The following GMIP variants were observed in gnomAD, a reference collection of about 807,000 sequenced individuals.
GMIP encodes the protein GEM-interacting protein.
A neutral mutation model predicts 105.3 loss-of-function variants in GMIP; 54 were observed. That is an observed-to-expected ratio of 0.51 (90% CI 0.41 to 0.64). GMIP has a LOEUF of 0.64. GMIP is among the 30% of genes least tolerant of loss of function. GMIP has a pLI of 0.00. For missense variants in GMIP, 1,110 were observed against 1,319.4 expected (o/e 0.84, Z 2.46); for synonymous variants, 541 against 560.8 (o/e 0.96, Z 0.50).
In GMIP at chr19:19,640,131, G is replaced by T; in HGVS notation, c.491C>A (p.Thr164Asn). The T allele has an allele frequency of 6.2e-7, 1 of 1,613,822 alleles. No homozygotes were observed. The highest frequency in any genetic ancestry group is 1.1e-5 in the South Asian group (1 of 91,068). Reference sequence around the variant, plus strand: ...CTGGGCCACTGTCTCCATGGCCAGGGTTCCCAGGCTGAGATCGTGCTCCAG... The same window carrying T: ...CTGGGCCACTGTCTCCATGGCCAGGTTTCCCAGGCTGAGATCGTGCTCCAG... ...LFLEHDLSLG[T>N]LAMETVAQQK... The change falls in exon 7 of 21, where the codon ACC (threonine) becomes AAC (asparagine). Residue 164 changes from threonine to asparagine, a missense_variant. Thr to Asn is a moderately conservative substitution (Grantham distance 65, BLOSUM62 0). Around this residue, in one of 3 missense-constraint regions of GMIP, gnomAD observed 667 missense variants for 773.2 expected, o/e 0.86. Transcript: ENST00000203556.
intron 19 of GMIP, among the ~76,000 whole-genome samples, chr19:19,632,896 A>G (rs2061810669): frequency 6.6e-6 from 1 of 151,996 alleles, no homozygotes; most frequent in Non-Finnish European, 1.5e-5. Context: ...CTTTGCCTGG[A>G]ACACCCTTCA....
At position 19,632,980 on chromosome 19, in the gene GMIP, C is replaced by T. The variant is rs1376060378; in HGVS notation, c.2472+823G>A. On this transcript the variant is annotated intron_variant, in intron 19 of 20. Coordinates refer to ENST00000203556, the MANE Select transcript of GMIP (RefSeq NM_016573.4). ...GCTCAAGTCCGTCTGCTCTCTAAGA[C>T]GTGCCCCCACCATCCTACTTAGTGA... is the stretch of plus-strand genomic sequence containing the variant. Among the ~76,000 whole-genome samples, 7 of 152,188 alleles carry T rather than the reference C, an allele frequency of 4.6e-5. No individual in the cohort carries two copies. In the South Asian group the frequency reaches 8.3e-4, roughly 18 times the overall value.
At chr19:19,631,763 G>A (rs1313162538) in intron 19 of GMIP, among the ~76,000 whole-genome samples, 2 of 152,020 alleles carry the variant, frequency 1.3e-5, no homozygotes, top group Admixed American at 1.3e-4. Context: ...CGAGGCGGGT[G>A]GATCACAAGG....
chr19:19,638,081 CG>C, intron 9 of GMIP, 24 bp from the exon 10 acceptor site: 1 of 1,544,536 alleles, frequency 6.5e-7, no homozygotes. Flanking sequence ...AGGCCAGGAG[CG>C]GGGTGGGGCG....
chr19:19,637,833 T>C lies in GMIP; in HGVS notation c.927+87A>G, dbSNP rs1190015884. The C allele has an allele frequency of 3.6e-6, 5 of 1,405,258 alleles. No individual in the cohort carries two copies. In the African/African-American group the frequency reaches 5.8e-5, roughly 16 times the overall value. The allele number at this position is 1,405,258 out of a possible 1,614,324, so 87.0% of individuals were successfully genotyped here. A position where few individuals can be genotyped will look rare whatever the true frequency, so the allele number is the denominator to read the frequency against. On this transcript the variant is annotated intron_variant, in intron 10 of 20. Coordinates refer to ENST00000203556, the MANE Select transcript of GMIP (RefSeq NM_016573.4). This position sits in a 1 kb window ranked among gnomAD's most constrained non-coding sequence, Gnocchi z 6.7. ...AGGGAAATGGCCTAGTCCTGGTGTC[T>C]CCAGGGTGGCTTAGGGGCGAGGAGT...
At position 19,633,854 on chromosome 19, in the gene GMIP, G is replaced by T. The variant is rs753635643; in HGVS notation, c.2421C>A (p.Asp807Glu). ...GCTCCAGGGTACTGTGGTGCTGGGG[G>T]TCTGGGCCGGGGTCTGAGGCTAGGA... is the stretch of plus-strand genomic sequence containing the variant. ...PPVLASDPGP[D>E]PQHHSTLEQH... Residue 807 changes from aspartate (D) to glutamate (E), a missense_variant, in exon 19 of 21, where the codon GAC becomes GAA. Around this residue, in one of 3 missense-constraint regions of GMIP, gnomAD observed 394 missense variants for 450.5 expected, o/e 0.87. Transcript: ENST00000203556. 2 of 1,500,690 alleles carry T rather than the reference G, an allele frequency of 1.3e-6. 1 individual carries two copies. The highest frequency in any genetic ancestry group is 2.7e-5 in the South Asian group (2 of 73,290). 93.0% of individuals were successfully genotyped at this position (1,500,690 alleles called of 1,614,324 possible). A position where few individuals can be genotyped will look rare whatever the true frequency, so the allele number is the denominator to read the frequency against.
rs766003773 is a variant in GMIP, at chr19:19,640,280, G to A, written c.429+16C>T. The A allele has an allele frequency of 2.5e-6, 4 of 1,610,764 alleles. No individual in the cohort carries two copies. The highest frequency in any genetic ancestry group is 2.2e-5 in the South Asian group (2 of 91,028). ...TAGGGGGCTTGGGCTCTCCGGGGGG[G>A]TCTGGTCATGACTACCTGCTGTTGA... On this transcript the variant is annotated intron_variant, in intron 6 of 20. Coordinates refer to ENST00000203556, the MANE Select transcript of GMIP (RefSeq NM_016573.4).
Position 19,635,241 on chromosome 19 carries a change from G to A in GMIP, c.1561-28C>T, listed in dbSNP as rs761110843. On this transcript the variant is annotated intron_variant, in intron 15 of 20. Coordinates refer to ENST00000203556, the MANE Select transcript of GMIP (RefSeq NM_016573.4). This position sits in a 1 kb window ranked among gnomAD's most constrained non-coding sequence, Gnocchi z 4.7. Reference sequence around the variant, plus strand: ...GTGGGGAAGGTCACAGGGACAGGGAGGTCATTAGGGACCAGTAGGGGAAGA... The same window carrying A: ...GTGGGGAAGGTCACAGGGACAGGGAAGTCATTAGGGACCAGTAGGGGAAGA... The A allele has an allele frequency of 6.3e-7, 1 of 1,592,454 alleles. No individual in the cohort carries two copies. Among genetic ancestry groups the A allele is most frequent in the Admixed American group, 1.7e-5 (1 of 57,642 alleles).
chr19:19,632,088 T>C (rs2061802321), intron 19 of GMIP, among the ~76,000 whole-genome samples: 1 of 143,446 alleles, frequency 7.0e-6, no homozygotes, highest in Non-Finnish European at 1.5e-5. Flanking sequence ...GTCAGGAGTT[T>C]GAGACCAGCC....
chr19:19,635,916 G>A lies in GMIP; in HGVS notation c.1328-195C>T, dbSNP rs2144851558. Among the ~76,000 whole-genome samples the A allele has an allele frequency of 6.6e-6, 1 of 152,200 alleles. No homozygotes were observed. Among genetic ancestry groups the A allele is most frequent in the South Asian group, 2.1e-4 (1 of 4,828 alleles). On this transcript the variant is annotated intron_variant, in intron 13 of 20. Transcript: ENST00000203556. The surrounding 1 kb of genome is among the most constrained non-coding windows in gnomAD (Gnocchi z 4.7). ...TCATAAGCTGGATCAAGAGGTTGAG[G>A]AAATAGGCCGGGCGCAGTGGCTCAC... is the stretch of plus-strand genomic sequence containing the variant.
chr19:19,641,799 G>C lies in GMIP; in HGVS notation c.238+11C>G. Reference sequence around the variant, plus strand: ...TCTGTCCCCACTGTCCTGGCCTCCAGACCCCCCTACCTGTGAGGGGTACAG... The same window carrying C: ...TCTGTCCCCACTGTCCTGGCCTCCACACCCCCCTACCTGTGAGGGGTACAG... On this transcript the variant is annotated intron_variant, in intron 4 of 20. Transcript: ENST00000203556. The C allele has an allele frequency of 6.2e-7, 1 of 1,601,096 alleles. No individual in the cohort carries two copies. The highest frequency in any genetic ancestry group is 8.5e-7 in the Non-Finnish European group (1 of 1,170,886).
rs777952443 is a variant in GMIP at position 19,634,200 on chromosome 19, G to A, written c.2085-10C>T. 2 of 1,581,024 alleles carry A rather than the reference G, an allele frequency of 1.3e-6. No homozygotes were observed. Among genetic ancestry groups the A allele is most frequent in the Non-Finnish European group, 8.6e-7 (1 of 1,162,126 alleles). ...AAATCGTGCAGCCACCCTGGGGATGGTGTGAAGAGAAAGGTCAGGGTACAG... is the reference window on the plus strand; with the variant it reads ...AAATCGTGCAGCCACCCTGGGGATGATGTGAAGAGAAAGGTCAGGGTACAG... On this transcript the variant is annotated splice_polypyrimidine_tract_variant and intron_variant, in intron 18 of 20. Transcript: ENST00000203556. This position sits in a 1 kb window ranked among gnomAD's most constrained non-coding sequence, Gnocchi z 6.1.
In GMIP at chr19:19,630,564, C is replaced by A. The variant is rs767546121; in HGVS notation, c.2473-27G>T. On this transcript the variant is annotated intron_variant, in intron 19 of 20. Transcript: ENST00000203556. This position sits in a 1 kb window ranked among gnomAD's most constrained non-coding sequence, Gnocchi z 4.8. The stretch of plus-strand genomic sequence containing the variant: ...TGCAGGGAGAAACCCAAGAATGAGA[C>A]CCCAACACTAAAATCCCAGTTCTTT... 32 of 1,580,904 alleles carry A rather than the reference C, an allele frequency of 2.0e-5. No homozygotes were observed. The South Asian group carries it at 3.5e-4, about 17-fold the overall frequency.
In GMIP at chr19:19,633,803, C is replaced by T. The variant is rs1158266146; in HGVS notation, c.2472G>A (p.Glu824=). 1.4e-6 allele frequency: 2 copies of T among 1,457,168 alleles called. No individual in the cohort carries two copies. Among genetic ancestry groups the T allele is most frequent in the Admixed American group, 2.5e-5 (1 of 39,814 alleles). The allele number at this position is 1,457,168 out of a possible 1,614,324, so 90.3% of individuals were successfully genotyped here. ...AGCTGTGGGCCCAGTGGGTTCTTACCTCGGTAGGTGTGGCCGTGGGATGCT... is the reference window on the plus strand; with the variant it reads ...AGCTGTGGGCCCAGTGGGTTCTTACTTCGGTAGGTGTGGCCGTGGGATGCT... ...LEQHPTATPT[E]IPTPQSDQRE... The change falls in exon 19 of 21, where the codon GAG becomes GAA. Residue 824 remains glutamate (E), a splice_region_variant and synonymous_variant. Coordinates refer to ENST00000203556, the MANE Select transcript of GMIP (RefSeq NM_016573.4).
Position 19,635,519 on chromosome 19 carries a change from T to A in GMIP, c.1456A>T (p.Thr486Ser). 1 of 1,613,324 alleles carries A rather than the reference T, an allele frequency of 6.2e-7. No individual in the cohort carries two copies. Among genetic ancestry groups the A allele is most frequent in the Non-Finnish European group, 8.5e-7 (1 of 1,179,990 alleles). ...NGLGSPFGKW[T>S]LSSAAQTHQL... ...TGGGTCTGAGCCGCGCTGGACAGTG[T>A]CCACTTCCCGAAGGGGCTGCCCAGC... Residue 486 changes from threonine (T) to serine (S), a missense_variant, in exon 15 of 21, where the codon ACA (threonine) becomes TCA (serine). Physicochemically the swap from Thr to Ser is moderately conservative, Grantham distance 58. Transcript: ENST00000203556. This position sits in a 1 kb window ranked among gnomAD's most constrained non-coding sequence, Gnocchi z 4.7.
chr19:19,641,930 C>A, intron 3 of GMIP, 46 bp downstream of exon 3: 1 of 1,597,704 alleles, frequency 6.3e-7, no homozygotes, highest in South Asian at 1.1e-5. Flanking sequence ...TCCTAAGGCC[C>A]CCTCTGCTTG....
rs1450476082 is a variant in GMIP at position 19,634,026 on chromosome 19, A to G, written c.2249T>C (p.Ile750Thr). The G allele has an allele frequency of 6.2e-7, 1 of 1,613,284 alleles. No homozygotes were observed. The stretch of plus-strand genomic sequence containing the variant: ...CCCAAAGATCTGCTCGTAGTGCACG[A>G]TGAGGAACTCCACAAGCTGGGCCTG... ...GHQAQLVEFL[I>T]VHYEQIFGMD... Residue 750 changes from isoleucine (I) to threonine (T), a missense_variant, in exon 19 of 21, where the codon ATC (isoleucine) becomes ACC (threonine). Coordinates refer to ENST00000203556, the MANE Select transcript of GMIP (RefSeq NM_016573.4). This position sits in a 1 kb window ranked among gnomAD's most constrained non-coding sequence, Gnocchi z 6.1.
In GMIP at chr19:19,629,953, G is replaced by A; in HGVS notation, c.*10C>T. On this transcript the variant is annotated 3_prime_UTR_variant, in exon 21 of 21. Coordinates refer to ENST00000203556, the MANE Select transcript of GMIP (RefSeq NM_016573.4). ...TCTGGGCCTCTTCCTTATTTAAGGT[G>A]CCAGGGTGGTCAGAGATGGTCCTCG... The A allele has an allele frequency of 6.2e-7, 1 of 1,605,234 alleles. No individual in the cohort carries two copies. The highest frequency in any genetic ancestry group is 8.5e-7 in the Non-Finnish European group (1 of 1,176,942).
rs751172520 is a variant in GMIP, at chr19:19,635,688, G to A, written c.1361C>T (p.Ser454Phe). ...AGTRQLVKAS[S>F]TGTESSDDFE... ...GTCATCTGAGGACTCAGTGCCTGTGGACGAAGCCTTCACCAGCTGCCTCGT... is the reference window on the plus strand; with the variant it reads ...GTCATCTGAGGACTCAGTGCCTGTGAACGAAGCCTTCACCAGCTGCCTCGT... Residue 454 changes from serine (S) to phenylalanine (F), a missense_variant, in exon 14 of 21, where the codon TCC (serine) becomes TTC (phenylalanine). Physicochemically the swap from Ser to Phe is radical, Grantham distance 155. Coordinates refer to ENST00000203556, the MANE Select transcript of GMIP (RefSeq NM_016573.4). This position sits in a 1 kb window ranked among gnomAD's most constrained non-coding sequence, Gnocchi z 4.7. 7 of 1,614,032 alleles carry A rather than the reference G, an allele frequency of 4.3e-6. No homozygotes were observed. In the East Asian group the frequency reaches 1.3e-4, roughly 31 times the overall value.
Sources: gnomAD v4.1 joint callset for allele counts (sites outside exome capture counted in the v4.1 genomes callset) on GRCh38, gnomAD v4.1.1 for gene constraint, gnomAD v4.1.1 regional missense constraint, Gnocchi (gnomAD v3.1) non-coding constraint, MANE v1.5 for transcripts, NCBI Gene and HGNC (gene_info 2026-07-23, HGNC 2026-07-21) for gene names.